The following COL5A2 variants were observed in gnomAD, a reference collection of about 807,000 sequenced individuals.
COL5A2 encodes collagen alpha-2(V) chain.
A neutral mutation model predicts 208.2 loss-of-function variants in COL5A2; 23 were observed. The ratio of observed to expected loss-of-function variants is 0.11; its 90% CI spans 0.08 to 0.16. The LOEUF (loss-of-function observed/expected upper bound fraction) is 0.16, where lower values mean the gene tolerates loss of function less well. Among genes scored for constraint, COL5A2 ranks in the 10% least tolerant of loss-of-function variants. The pLI is 1.00. For synonymous variants in COL5A2, 625 were observed against 628.5 expected, an observed-to-expected ratio of 0.99 and a Z score of 0.08; for missense variants, 1,590 against 1,956.4, an observed-to-expected ratio of 0.81 and a Z score of 3.53.
At chr2:189,409,740 AT>A in the COL5A2 span, among the ~76,000 whole-genome samples, 2 of 152,206 alleles carry the variant, frequency 1.3e-5, no homozygotes, top group Admixed American at 6.5e-5. Flanking sequence ...TTAACCAATT[AT>A]TTTTTAAGTG....
chr2:189,247,421 C>T, the COL5A2 span, among the ~76,000 whole-genome samples: 2 of 152,080 alleles, frequency 1.3e-5, no homozygotes, highest in Admixed American at 6.5e-5. Context: ...CTTCAAGATT[C>T]ACAACACATA....
the COL5A2 span, among the ~76,000 whole-genome samples, chr2:189,272,009 A>G: frequency 6.6e-6 from 1 of 152,192 alleles, no homozygotes; most frequent in Non-Finnish European, 1.5e-5. Context: ...GTCAGAAAAC[A>G]ACAGATGCTG....
intron 1 of COL5A2, among the ~76,000 whole-genome samples, chr2:189,201,144 A>C (rs912139553): frequency 9.9e-5 from 15 of 152,088 alleles, no homozygotes; most frequent in African/African-American, 3.4e-4. Flanking sequence ...GCAATTATAT[A>C]AAAAGTTAAT....
At chr2:189,378,966 G>T in the COL5A2 span, among the ~76,000 whole-genome samples, 1 of 152,028 alleles carries the variant, frequency 6.6e-6, no homozygotes, top group Non-Finnish European at 1.5e-5. Flanking sequence ...CAGTGAAGAT[G>T]ATTATACATC....
chr2:189,295,908 A>T, the COL5A2 span, among the ~76,000 whole-genome samples: 1 of 152,204 alleles, frequency 6.6e-6, no homozygotes, highest in Non-Finnish European at 1.5e-5. Context: ...GAACATTTTC[A>T]TCATCTTTTT....
chr2:189,203,250 G>A (rs1445328076), intron 1 of COL5A2, among the ~76,000 whole-genome samples: 1 of 152,104 alleles, frequency 6.6e-6, no homozygotes, highest in South Asian at 2.1e-4. Context: ...AAAAAGCATA[G>A]AATGAACTTA....
At chr2:189,259,852 A>C in the COL5A2 span, among the ~76,000 whole-genome samples, 1 of 152,196 alleles carries the variant, frequency 6.6e-6, no homozygotes, top group Non-Finnish European at 1.5e-5. Flanking sequence ...AAGTTTAAGA[A>C]GCCAGAAAGG....
At chr2:189,109,409 T>A (rs577423839) in intron 2 of COL5A2, among the ~76,000 whole-genome samples, 1 of 152,148 alleles carries the variant, frequency 6.6e-6, no homozygotes, top group Non-Finnish European at 1.5e-5. Flanking sequence ...TATTTCCATA[T>A]ACATACTGTT....
chr2:189,438,979 G>T, the COL5A2 span, among the ~76,000 whole-genome samples: 69 of 152,006 alleles, frequency 4.5e-4, no homozygotes, highest in African/African-American at 1.6e-3. Context: ...CAGCCACACT[G>T]GCCTCTTGAC....
chr2:189,425,609 A>G, the COL5A2 span, among the ~76,000 whole-genome samples: 1 of 152,308 alleles, frequency 6.6e-6, no homozygotes, highest in South Asian at 2.1e-4. Flanking sequence ...AAAGACAAAT[A>G]CCACATGATA....
the COL5A2 span, among the ~76,000 whole-genome samples, chr2:189,289,292 G>A: frequency 6.6e-6 from 1 of 151,932 alleles, no homozygotes; most frequent in Non-Finnish European, 1.5e-5. Context: ...AGTGAGCAAA[G>A]ATTGTGCCAC....
chr2:189,041,554 C>CA (rs748045777), intron 50 of COL5A2, 32 bp downstream of exon 50: 2 of 1,478,214 alleles, frequency 1.4e-6, no homozygotes, highest in Non-Finnish European at 1.9e-6. Context: ...GAATAAATAG[C>CA]ATTTCTTGCA....
chr2:189,037,523 T>C (rs1182913339), intron 51 of COL5A2, among the ~76,000 whole-genome samples: 1 of 152,198 alleles, frequency 6.6e-6, no homozygotes, highest in African/African-American at 2.4e-5. Flanking sequence ...ATTTTAGCTA[T>C]TCCTGTCAAT....
At chr2:189,414,522 G>A in the COL5A2 span, among the ~76,000 whole-genome samples, 3 of 151,932 alleles carry the variant, frequency 2.0e-5, no homozygotes, top group South Asian at 2.1e-4. Flanking sequence ...TTGGGAGGCC[G>A]AGGATCACTT....
At chr2:189,251,657 TAA>T in the COL5A2 span, among the ~76,000 whole-genome samples, 1 of 144,664 alleles carries the variant, frequency 6.9e-6, no homozygotes. Flanking sequence ...CAAAAGACAG[TAA>T]AAAAAAAAAA....
chr2:189,222,513 C>A (rs2105879928), intron 1 of COL5A2, among the ~76,000 whole-genome samples: 1 of 152,232 alleles, frequency 6.6e-6, no homozygotes, highest in East Asian at 1.9e-4. Flanking sequence ...CCAGTGATAT[C>A]CTCCTATCCA....
chr2:189,328,342 T>C, the COL5A2 span, among the ~76,000 whole-genome samples: 1 of 151,664 alleles, frequency 6.6e-6, no homozygotes, highest in Admixed American at 6.5e-5. Context: ...TAAAAACACA[T>C]GTTTTTTGGC....
the COL5A2 span, among the ~76,000 whole-genome samples, chr2:189,241,403 C>T: frequency 6.6e-6 from 1 of 152,164 alleles, no homozygotes; most frequent in Non-Finnish European, 1.5e-5. Flanking sequence ...ATGAACATTG[C>T]TCTGTGTTAC....
the COL5A2 span, among the ~76,000 whole-genome samples, chr2:189,437,572 G>T: frequency 6.6e-6 from 1 of 152,154 alleles, no homozygotes; most frequent in Non-Finnish European, 1.5e-5. Context: ...ATAACCATGA[G>T]AACTGTTAAC....
Sources: allele counts gnomAD v4.1 joint callset (sites outside exome capture counted in the v4.1 genomes callset), GRCh38; gene constraint gnomAD v4.1.1; transcripts MANE v1.5; gene names NCBI Gene and HGNC (gene_info 2026-07-23, HGNC 2026-07-21).